Variants in GJA3 observed in about 807,000 individuals in gnomAD.
GJA3 encodes the protein gap junction protein alpha 3.
For synonymous variants in GJA3, 297 were observed against 292.6 expected, an observed-to-expected ratio of 1.02 and a Z score of -0.15; for missense variants, 571 against 620.3, an observed-to-expected ratio of 0.92 and a Z score of 0.84.
At chr13:20,147,697 G>T (rs192093155) in intron 1 of GJA3, among the ~76,000 whole-genome samples, 1 of 152,270 alleles carries the variant, frequency 6.6e-6, no homozygotes. Flanking sequence ...AAAGATAGAT[G>T]ACCATAGCTT....
At position 20,145,498 on chromosome 13, in the gene GJA3, T is replaced by C. The variant is rs74035925; in HGVS notation, c.-17-2193A>G. On this transcript the variant is annotated intron_variant, in intron 1 of 1. Transcript: ENST00000241125. The stretch of plus-strand genomic sequence containing the variant: ...CCCAGGAGGGATGTCTGGGAACAAT[T>C]TGGGGTCACTTCCTGCTTCTCCTCC... 9.2e-3 allele frequency among the ~76,000 whole-genome samples: 1,395 copies of C among 152,292 alleles called. 20 individuals carry two copies. The highest frequency in any genetic ancestry group is 0.054 in the Middle Eastern group (16 of 294).
intron 1 of GJA3, among the ~76,000 whole-genome samples, chr13:20,150,777 G>A (rs1334115250): frequency 2.0e-5 from 3 of 152,220 alleles, no homozygotes; most frequent in Non-Finnish European, 4.4e-5. Context: ...GGGTGAGGCT[G>A]GAGAGCCAGG....
intron 1 of GJA3, among the ~76,000 whole-genome samples, chr13:20,143,531 G>T (rs1958825718): frequency 6.6e-6 from 1 of 152,292 alleles, no homozygotes; most frequent in Middle Eastern, 3.4e-3. Context: ...AGAGGAGGAA[G>T]CCAGAGCCAG....
intron 1 of GJA3, among the ~76,000 whole-genome samples, chr13:20,149,642 T>A (rs1442751320): frequency 6.6e-6 from 1 of 152,144 alleles, no homozygotes; most frequent in Admixed American, 6.5e-5. Context: ...AAATGGGCAG[T>A]TGGGGAAAAG....
Position 20,142,811 on chromosome 13 carries a change from C to T in GJA3, c.478G>A (p.Glu160Lys). The change falls in exon 2 of 2, where the codon GAG becomes AAG. Residue 160 changes from glutamate (E) to lysine (K), a missense_variant. Physicochemically the swap from Glu to Lys is moderately conservative, Grantham distance 56. Transcript: ENST00000241125. Reference sequence around the variant, plus strand: ...TACTGGCCGGCGATGAAGCCCACCTCGAACAGCGTCTTGAAGATGATGTTG... The same window carrying T: ...TACTGGCCGGCGATGAAGCCCACCTTGAACAGCGTCTTGAAGATGATGTTG... ...VFNIIFKTLFEVGFIAGQYFL... is the reference protein window; with the variant it reads ...VFNIIFKTLFKVGFIAGQYFL... 6.2e-7 allele frequency: 1 copy of T among 1,613,574 alleles called. No homozygotes were observed. Among genetic ancestry groups the T allele is most frequent in the Non-Finnish European group, 8.5e-7 (1 of 1,179,830 alleles).
At position 20,142,714 on chromosome 13, in the gene GJA3, CA is replaced by C; in HGVS notation, c.574del (p.Cys192AlafsTer43). The C allele has an allele frequency of 6.2e-7, 1 of 1,613,952 alleles. No individual in the cohort carries two copies. The highest frequency in any genetic ancestry group is 8.5e-7 in the Non-Finnish European group (1 of 1,179,950). Reference protein sequence around the residue: ...DRWPCPNTVDCFISRPTEKTI... With the variant: ...DRWPCPNTVDXFISRPTEKTI... ...CTTCTCCGTGGGCCTGGAGATGAAGCAGTCCACCGTGTTGGGGCAGGGCCAG... is the reference window on the plus strand; with the variant it reads ...CTTCTCCGTGGGCCTGGAGATGAAGCGTCCACCGTGTTGGGGCAGGGCCAG... On this transcript the variant is annotated frameshift_variant, in exon 2 of 2. Transcript: ENST00000241125. LOFTEE classifies it low-confidence loss of function (END_TRUNC).
intron 1 of GJA3, among the ~76,000 whole-genome samples, chr13:20,149,586 T>C (rs906937178): frequency 1.3e-5 from 2 of 152,224 alleles, no homozygotes; most frequent in Admixed American, 6.5e-5. Flanking sequence ...ACATAATATA[T>C]ACATGCAAGG....
chr13:20,144,159 CAT>C (rs1192810845), intron 1 of GJA3, among the ~76,000 whole-genome samples: 4 of 152,332 alleles, frequency 2.6e-5, no homozygotes, highest in East Asian at 1.9e-4. Flanking sequence ...TCTTCTCACA[CAT>C]GATTCAGCAT....
chr13:20,143,619 T>G (rs1201407378), intron 1 of GJA3, among the ~76,000 whole-genome samples: 25 of 152,362 alleles, frequency 1.6e-4, no homozygotes, highest in Non-Finnish European at 4.4e-5. Flanking sequence ...GCTCTGGGGC[T>G]CTGCGGCCCC....
intron 1 of GJA3, among the ~76,000 whole-genome samples, chr13:20,157,218 G>A (rs954211754): frequency 6.6e-6 from 1 of 152,142 alleles, no homozygotes; most frequent in Non-Finnish European, 1.5e-5. Flanking sequence ...TTGGGGCAAG[G>A]GTAAGTAATA....
chr13:20,145,684 C>A (rs1958837795), intron 1 of GJA3, among the ~76,000 whole-genome samples: 1 of 152,222 alleles, frequency 6.6e-6, no homozygotes, highest in Admixed American at 6.5e-5. Flanking sequence ...ACCTTTAGGC[C>A]TCTGTACATG....
chr13:20,157,406 T>G (rs747251081), intron 1 of GJA3, among the ~76,000 whole-genome samples: 1 of 152,194 alleles, frequency 6.6e-6, no homozygotes, highest in Non-Finnish European at 1.5e-5. Flanking sequence ...GGAACCTTAC[T>G]CATTATCGAC....
intron 1 of GJA3, among the ~76,000 whole-genome samples, chr13:20,158,747 A>G (rs1224283462): frequency 2.0e-5 from 3 of 151,920 alleles, no homozygotes; most frequent in African/African-American, 7.3e-5. Context: ...CTGTGTCTCT[A>G]CTAAAAATAC....
chr13:20,141,035 G>C lies in GJA3; in HGVS notation c.*946C>G, dbSNP rs1287412419. Reference sequence around the variant, plus strand: ...ATTAAAGAATTTCTTTTACAAGAAAGTTCAAAATCTTTAGTAAAGATGCTA... The same window carrying C: ...ATTAAAGAATTTCTTTTACAAGAAACTTCAAAATCTTTAGTAAAGATGCTA... On this transcript the variant is annotated 3_prime_UTR_variant, in exon 2 of 2. Coordinates refer to ENST00000241125, the MANE Select transcript of GJA3 (RefSeq NM_021954.4). 2 of 152,160 alleles carry C rather than the reference G, an allele frequency of 1.3e-5. No individual in the cohort carries two copies. The highest frequency in any genetic ancestry group is 4.8e-5 in the African/African-American group (2 of 41,430). The allele number at this position is 152,160 out of a possible 1,614,324, so 9.4% of individuals were successfully genotyped here.
In GJA3 at chr13:20,141,835, T is replaced by C. The variant is rs1458433025; in HGVS notation, c.*146A>G. 1 of 1,182,018 alleles carries C rather than the reference T, an allele frequency of 8.5e-7. No homozygotes were observed. Among genetic ancestry groups the C allele is most frequent in the Non-Finnish European group, 1.2e-6 (1 of 848,078 alleles). The allele number at this position is 1,182,018 out of a possible 1,614,324, so 73.2% of individuals were successfully genotyped here. A position where few individuals can be genotyped will look rare whatever the true frequency, so the allele number is the denominator to read the frequency against. On this transcript the variant is annotated 3_prime_UTR_variant, in exon 2 of 2. Transcript: ENST00000241125. ...AAGCATTGAACACGGAAACCTGATC[T>C]CTCCTCCATCGTCCACCTCCTGGGA...
At chr13:20,150,852 C>T (rs1274870217) in intron 1 of GJA3, among the ~76,000 whole-genome samples, 1 of 152,026 alleles carries the variant, frequency 6.6e-6, no homozygotes, top group Non-Finnish European at 1.5e-5. Context: ...CTTTAGAGGG[C>T]CCAAAGGATG....
At chr13:20,146,088 C>T (rs1958840552) in intron 1 of GJA3, among the ~76,000 whole-genome samples, 1 of 152,200 alleles carries the variant, frequency 6.6e-6, no homozygotes, top group African/African-American at 2.4e-5. Context: ...CGAGGAAAGG[C>T]CGCTGTGGGT....
At chr13:20,152,301 G>A (rs187924687) in intron 1 of GJA3, among the ~76,000 whole-genome samples, 96 of 50,168 alleles carry the variant, frequency 1.9e-3, no homozygotes, top group Non-Finnish European at 3.0e-3. Flanking sequence ...GCAAGTTTTA[G>A]TTAAGTCTCT....
chr13:20,156,597 C>G (rs1178800316), intron 1 of GJA3, among the ~76,000 whole-genome samples: 1 of 152,194 alleles, frequency 6.6e-6, no homozygotes, highest in South Asian at 2.1e-4. Context: ...TAGGCATGAG[C>G]CACCAAGCCT....
Sources: gnomAD v4.1 joint callset for allele counts (sites outside exome capture counted in the v4.1 genomes callset) on GRCh38, gnomAD v4.1.1 for gene constraint, MANE v1.5 for transcripts, NCBI Gene and HGNC (gene_info 2026-07-23, HGNC 2026-07-21) for gene names.